GRIK3: variants seen among roughly 807,000 people sequenced by gnomAD.
The protein encoded by GRIK3 is glutamate ionotropic receptor kainate type subunit 3.
GRIK3 carries 29 observed loss-of-function variants against 102.5 expected under a neutral mutation model. The observed-to-expected ratio is 0.28, with a 90% CI of 0.21 to 0.39. GRIK3 has a LOEUF of 0.39. Among genes scored for constraint, GRIK3 ranks in the 10% least tolerant of loss-of-function variants. The pLI is 1.00. For missense variants in GRIK3, 908 were observed against 1,252.4 expected (o/e 0.73, Z 4.15); for synonymous variants, 511 against 504.9 (o/e 1.01, Z -0.16).
intron 1 of GRIK3, among the ~76,000 whole-genome samples, chr1:36,980,014 A>C (rs1642233473): frequency 6.6e-6 from 1 of 152,192 alleles, no homozygotes; most frequent in Non-Finnish European, 1.5e-5. Flanking sequence ...CCTGACCACA[A>C]CACCACAAGC....
At chr1:36,837,206 C>G (rs1640390068) in intron 10 of GRIK3, among the ~76,000 whole-genome samples, 1 of 152,144 alleles carries the variant, frequency 6.6e-6, no homozygotes, top group Admixed American at 6.5e-5. Context: ...ACTCCTAGAG[C>G]TCAGCCTCCA....
chr1:37,021,371 T>C (rs1043516045), intron 1 of GRIK3, among the ~76,000 whole-genome samples: 1 of 152,142 alleles, frequency 6.6e-6, no homozygotes, highest in Non-Finnish European at 1.5e-5. Flanking sequence ...GGTTCTTCCA[T>C]GGGCTCGGAG....
chr1:36,945,839 C>T (rs1641777767), intron 1 of GRIK3, among the ~76,000 whole-genome samples: 1 of 152,210 alleles, frequency 6.6e-6, no homozygotes, highest in African/African-American at 2.4e-5. Flanking sequence ...ATGTTCTGCT[C>T]TTCCTACCAC....
intron 1 of GRIK3, among the ~76,000 whole-genome samples, chr1:36,968,831 G>A (rs1035895059): frequency 6.6e-6 from 1 of 152,226 alleles, no homozygotes; most frequent in African/African-American, 2.4e-5. Flanking sequence ...GGACAGCACT[G>A]ACACCCCCAC....
At position 36,890,902 on chromosome 1, in the gene GRIK3, C is replaced by A; in HGVS notation, c.292+18G>T. On this transcript the variant is annotated intron_variant, in intron 2 of 15. Transcript: ENST00000373091. ...CCCCAGGCTGGGAAGAGAACAGAGGCAGGAGCTGCACACTCACCCTTTTTG... is the reference window on the plus strand; with the variant it reads ...CCCCAGGCTGGGAAGAGAACAGAGGAAGGAGCTGCACACTCACCCTTTTTG... 6.3e-7 allele frequency: 1 copy of A among 1,587,084 alleles called. No individual in the cohort carries two copies.
intron 1 of GRIK3, among the ~76,000 whole-genome samples, chr1:36,983,284 C>T (rs936799430): frequency 6.6e-6 from 1 of 152,138 alleles, no homozygotes; most frequent in Non-Finnish European, 1.5e-5. Flanking sequence ...AGCATTCACA[C>T]ACACACTCTG....
At chr1:36,835,769 C>G (rs1268859008) in intron 10 of GRIK3, among the ~76,000 whole-genome samples, 1 of 152,212 alleles carries the variant, frequency 6.6e-6, no homozygotes. Flanking sequence ...CTCAAGCCCT[C>G]TTGCTCTCTT....
chr1:36,933,921 C>T (rs1373625370), intron 1 of GRIK3, among the ~76,000 whole-genome samples: 1 of 152,218 alleles, frequency 6.6e-6, no homozygotes, highest in East Asian at 1.9e-4. Context: ...TCTCGCCCCC[C>T]ACCACCTCAT....
At chr1:36,802,152 A>G in intron 15 of GRIK3, 107 bp from the exon 16 acceptor site, 1 of 751,766 alleles carries the variant, frequency 1.3e-6, no homozygotes, top group Non-Finnish European at 2.1e-6. Context: ...TGCTAAGGTT[A>G]CCCGTCTTTC....
chr1:36,930,539 C>T (rs1291570968), intron 1 of GRIK3, among the ~76,000 whole-genome samples: 1 of 152,200 alleles, frequency 6.6e-6, no homozygotes, highest in Non-Finnish European at 1.5e-5. Context: ...TGCCTTAGTT[C>T]TTGTGCTCTG....
rs978495419 is a variant in GRIK3 at position 36,927,345 on chromosome 1, T to C, written c.116-36249A>G. ...TGGAAAAGATGCATTGAATAGCAAA[T>C]GCAATTCAACAAATATTATGACATG... On this transcript the variant is annotated intron_variant, in intron 1 of 15. Coordinates refer to ENST00000373091, the MANE Select transcript of GRIK3 (RefSeq NM_000831.4). Among the ~76,000 whole-genome samples the C allele has an allele frequency of 3.3e-5, 5 of 152,208 alleles. No homozygotes were observed. In the East Asian group the frequency reaches 9.6e-4, roughly 29 times the overall value.
At chr1:36,830,331 C>T (rs1640244750) in intron 10 of GRIK3, among the ~76,000 whole-genome samples, 1 of 152,016 alleles carries the variant, frequency 6.6e-6, no homozygotes, top group Admixed American at 6.6e-5. Flanking sequence ...CTCTACCATG[C>T]AAGCCACATG....
intron 11 of GRIK3, among the ~76,000 whole-genome samples, chr1:36,822,253 A>G (rs1208302038): frequency 2.0e-5 from 3 of 152,232 alleles, no homozygotes; most frequent in Non-Finnish European, 4.4e-5. Flanking sequence ...GTGATGTTTC[A>G]ACAGGATGAA....
At chr1:36,941,718 C>G (rs1169906680) in intron 1 of GRIK3, among the ~76,000 whole-genome samples, 1 of 152,214 alleles carries the variant, frequency 6.6e-6, no homozygotes, top group Admixed American at 6.5e-5. Flanking sequence ...CTCCTTTTGT[C>G]TTCACAACTG....
rs578203541 is a variant in GRIK3 at position 36,843,670 on chromosome 1, T to A, written c.1327-1731A>T. ...ATCCCAGAGCCTGTTCCTGGACAAC[T>A]CTAGTCTTCTTCTGACTCCCCTGAG... On this transcript the variant is annotated intron_variant, in intron 9 of 15. Transcript: ENST00000373091. 1.5e-4 allele frequency among the ~76,000 whole-genome samples: 23 copies of A among 152,300 alleles called. No homozygotes were observed. The South Asian group carries it at 4.6e-3, about 30-fold the overall frequency.
chr1:36,998,823 G>C (rs1642445329), intron 1 of GRIK3, among the ~76,000 whole-genome samples: 1 of 152,154 alleles, frequency 6.6e-6, no homozygotes, highest in Non-Finnish European at 1.5e-5. Context: ...CAAGCCTCCA[G>C]GTCCCCAGAA....
At chr1:36,966,771 C>A (rs76270031) in intron 1 of GRIK3, among the ~76,000 whole-genome samples, 4,643 of 151,980 alleles carry the variant, frequency 0.031, 239 homozygotes, top group African/African-American at 0.11. Flanking sequence ...GACCACCCCC[C>A]CAACCCCTTG....
At chr1:36,929,633 C>T (rs1313010198) in intron 1 of GRIK3, among the ~76,000 whole-genome samples, 7 of 152,124 alleles carry the variant, frequency 4.6e-5, no homozygotes, top group Non-Finnish European at 8.8e-5. Context: ...GTGAATATCT[C>T]CTGGGGCCAG....
At chr1:36,833,119 CTCAA>C (rs754598171) in intron 10 of GRIK3, among the ~76,000 whole-genome samples, 35 of 152,168 alleles carry the variant, frequency 2.3e-4, no homozygotes, top group African/African-American at 2.4e-5. Context: ...AATGTAGGGG[CTCAA>C]TCAAATTTTG....
Sources: allele counts gnomAD v4.1 joint callset (sites outside exome capture counted in the v4.1 genomes callset), GRCh38; gene constraint gnomAD v4.1.1; transcripts MANE v1.5; gene names NCBI Gene and HGNC (gene_info 2026-07-23, HGNC 2026-07-21).